Variants in SLIT3 observed in about 807,000 individuals in gnomAD.
The protein encoded by SLIT3 is slit guidance ligand 3, also known as slit homolog 3 protein.
In SLIT3, 68 loss-of-function variants were observed where a neutral mutation model predicts 184.0. The ratio of observed to expected loss-of-function variants is 0.37; its 90% CI spans 0.30 to 0.45. The LOEUF (loss-of-function observed/expected upper bound fraction) is 0.45, where lower values mean the gene tolerates loss of function less well. SLIT3 is among the 20% of genes least tolerant of loss of function. SLIT3 has a pLI of 1.00. For synonymous variants in SLIT3, 831 were observed against 828.6 expected (o/e 1.00, Z -0.05); for missense variants, 1,707 against 2,026.0 (o/e 0.84, Z 3.02).
intron 3 of SLIT3, among the ~76,000 whole-genome samples, chr5:169,223,908 G>A (rs1764701755): frequency 1.3e-5 from 2 of 152,124 alleles, no homozygotes; most frequent in South Asian, 2.1e-4. Context: ...CAATGGGGAG[G>A]GCTGATAAAT....
chr5:168,684,166 G>A (rs1761676479), intron 31 of SLIT3, 70 bp from the exon 32 acceptor site: 6 of 1,412,814 alleles, frequency 4.2e-6, no homozygotes, highest in South Asian at 1.7e-5. Flanking sequence ...CCATCTCACA[G>A]AGCCCTCTTC....
chr5:168,830,109 G>A (rs907801891), intron 6 of SLIT3, among the ~76,000 whole-genome samples: 2 of 152,138 alleles, frequency 1.3e-5, no homozygotes, highest in African/African-American at 4.8e-5. Flanking sequence ...AAGAGTGATC[G>A]TTATTGGCTG....
chr5:169,204,216 T>C (rs140174193), intron 3 of SLIT3, among the ~76,000 whole-genome samples: 4 of 151,982 alleles, frequency 2.6e-5, no homozygotes, highest in African/African-American at 9.6e-5. Context: ...AGGGAGGAAC[T>C]GGTTAGCCAA....
At chr5:168,835,536 C>T (rs1301086925) in intron 6 of SLIT3, among the ~76,000 whole-genome samples, 5 of 150,810 alleles carry the variant, frequency 3.3e-5, no homozygotes, top group South Asian at 2.1e-4. Context: ...GTACTGGGTG[C>T]GGTGACTCAT....
rs369305666 is a variant in SLIT3 at position 168,762,575 on chromosome 5, C to T, written c.1574G>A (p.Arg525His). Residue 525 changes from arginine (R) to histidine (H), a missense_variant, in exon 15 of 36, where the codon CGC (arginine) becomes CAC (histidine). This residue lies in a region of SLIT3 where 1,307 missense variants were observed against 1,511.6 expected (regional missense o/e 0.86). Coordinates refer to ENST00000519560, the MANE Select transcript of SLIT3 (RefSeq NM_003062.4). ...IVDCSNQKLV[R>H]IPSHLPEYVT... The stretch of plus-strand genomic sequence containing the variant: ...ATATTCAGGGAGGTGGCTTGGGATG[C>T]GGACCAGCTTCTGGTTGGAGCAGTC... 150 of 1,613,850 alleles carry T rather than the reference C, an allele frequency of 9.3e-5. No homozygotes were observed. Among genetic ancestry groups the T allele is most frequent in the Non-Finnish European group, 1.1e-4 (131 of 1,179,922 alleles).
chr5:169,034,577 T>C (rs2113534020), intron 4 of SLIT3, among the ~76,000 whole-genome samples: 2 of 152,318 alleles, frequency 1.3e-5, no homozygotes, highest in African/African-American at 4.8e-5. Context: ...ATTTATATTC[T>C]AGGTCTTTTT....
intron 5 of SLIT3, among the ~76,000 whole-genome samples, chr5:168,846,578 G>A (rs1218512281): frequency 1.3e-5 from 2 of 152,014 alleles, no homozygotes; most frequent in African/African-American, 4.8e-5. Context: ...AAATGCAGTG[G>A]AGTTGGCTTT....
chr5:168,760,800 T>C (rs1232813906), intron 16 of SLIT3, 62 bp downstream of exon 16: 1 of 1,265,834 alleles, frequency 7.9e-7, no homozygotes, highest in Non-Finnish European at 1.2e-6. Flanking sequence ...GTTCCTCTAG[T>C]CTAGAACACA....
At position 169,266,780 on chromosome 5, in the gene SLIT3, A is replaced by C. The variant is rs139192294; in HGVS notation, c.198-15321T>G. Reference sequence around the variant, plus strand: ...TAGGAAAGAATGGCCCAAGTTAAGCATCCATGATCTTCATCCATGATAATC... The same window carrying C: ...TAGGAAAGAATGGCCCAAGTTAAGCCTCCATGATCTTCATCCATGATAATC... On this transcript the variant is annotated intron_variant, in intron 1 of 35. Transcript: ENST00000519560. Among the ~76,000 whole-genome samples the C allele has an allele frequency of 3.0e-3, 455 of 152,356 alleles. 7 individuals are homozygous for C. The highest frequency in any genetic ancestry group is 0.01 in the African/African-American group (430 of 41,582).
At chr5:168,746,476 G>GCAGT (rs1345898379) in intron 20 of SLIT3, among the ~76,000 whole-genome samples, 1 of 65,480 alleles carries the variant, frequency 1.5e-5, no homozygotes, top group Non-Finnish European at 3.0e-5. Context: ...GCGGTGGTGT[G>GCAGT]GGTGTGGTGG....
chr5:168,874,244 A>G (rs1284627607), intron 5 of SLIT3, among the ~76,000 whole-genome samples: 2 of 152,134 alleles, frequency 1.3e-5, no homozygotes, highest in African/African-American at 2.4e-5. Flanking sequence ...AATAGTCTCC[A>G]TTATCCTGAA....
intron 4 of SLIT3, among the ~76,000 whole-genome samples, chr5:169,091,409 T>C (rs1232599355): frequency 1.3e-5 from 2 of 152,052 alleles, no homozygotes; most frequent in Admixed American, 6.6e-5. Flanking sequence ...GGGGGAGCCA[T>C]GGAGAAAAAG....
chr5:168,869,917 A>G (rs1274239259), intron 5 of SLIT3, among the ~76,000 whole-genome samples: 8 of 152,260 alleles, frequency 5.3e-5, no homozygotes, highest in Non-Finnish European at 1.0e-4. Flanking sequence ...GAATGTTAAC[A>G]ATGGCAAATA....
chr5:169,005,577 T>C (rs1287053408), intron 4 of SLIT3, among the ~76,000 whole-genome samples: 1 of 152,248 alleles, frequency 6.6e-6, no homozygotes, highest in Non-Finnish European at 1.5e-5. Flanking sequence ...TAACACCATT[T>C]GGAAAGGATT....
chr5:168,748,263 G>A (rs769151330), intron 20 of SLIT3, 39 bp downstream of exon 20: 1 of 1,440,000 alleles, frequency 6.9e-7, no homozygotes, highest in Admixed American at 3.0e-5. Flanking sequence ...TGCTGGTGGT[G>A]AGATGACAGG....
chr5:168,990,275 G>A (rs1458087847), intron 4 of SLIT3, among the ~76,000 whole-genome samples: 3 of 152,182 alleles, frequency 2.0e-5, no homozygotes, highest in African/African-American at 7.2e-5. Context: ...GTCAACAAAG[G>A]AGAGAGTCAC....
intron 4 of SLIT3, among the ~76,000 whole-genome samples, chr5:169,077,706 C>T (rs1488614471): frequency 6.6e-6 from 1 of 152,086 alleles, no homozygotes; most frequent in Non-Finnish European, 1.5e-5. Flanking sequence ...GGGGTCACCA[C>T]CCCAAACCCC....
chr5:168,988,261 G>A (rs1755201985), intron 4 of SLIT3, among the ~76,000 whole-genome samples: 1 of 152,180 alleles, frequency 6.6e-6, no homozygotes, highest in African/African-American at 2.4e-5. Context: ...GGGCATCTCT[G>A]CTACATCTCC....
chr5:168,747,243 T>C (rs943421035), intron 20 of SLIT3, among the ~76,000 whole-genome samples: 1 of 152,206 alleles, frequency 6.6e-6, no homozygotes, highest in African/African-American at 2.4e-5. Flanking sequence ...ACTTCTCACT[T>C]TGCGTGTCCT....
Sources: gnomAD v4.1 joint callset for allele counts (sites outside exome capture counted in the v4.1 genomes callset) on GRCh38, gnomAD v4.1.1 for gene constraint, gnomAD v4.1.1 regional missense constraint, MANE v1.5 for transcripts, NCBI Gene and HGNC (gene_info 2026-07-23, HGNC 2026-07-21) for gene names.